The following PSD3 variants were observed in gnomAD, a reference collection of about 807,000 sequenced individuals.
PSD3 encodes the protein pleckstrin and Sec7 domain containing 3.
In PSD3, 49 loss-of-function variants were observed where a neutral mutation model predicts 105.5. That is an observed-to-expected ratio of 0.46 (90% CI 0.37 to 0.59). PSD3 has a LOEUF of 0.59. PSD3 is among the 20% of genes least tolerant of loss of function. The pLI is 0.00. For synonymous variants in PSD3, 557 were observed against 457.8 expected, an observed-to-expected ratio of 1.22 and a Z score of -2.77; for missense variants, 1,561 against 1,263.8, an observed-to-expected ratio of 1.24 and a Z score of -3.57.
chr8:18,936,253 C>A (rs1563439830), intron 1 of PSD3, 111 bp from the exon 2 acceptor site: 1 of 695,192 alleles, frequency 1.4e-6, no homozygotes, highest in East Asian at 2.5e-5. Context: ...CATATGTACT[C>A]AAAGCTATCT....
rs533267228 is a variant in PSD3, at chr8:18,564,282, G to T, written c.2785-7930C>A. Among the ~76,000 whole-genome samples, 8 of 152,236 alleles carry T rather than the reference G, an allele frequency of 5.3e-5. 1 individual carries two copies. The highest frequency in any genetic ancestry group is 1.9e-4 in the African/African-American group (8 of 41,556). ...AGGTGAATAGTCAAAAAAGTGAGTAGACCAGTGATCTAGGTAGAATATGAC... is the reference window on the plus strand; with the variant it reads ...AGGTGAATAGTCAAAAAAGTGAGTATACCAGTGATCTAGGTAGAATATGAC... On this transcript the variant is annotated intron_variant, in intron 14 of 15. Transcript: ENST00000327040.
intron 4 of PSD3, among the ~76,000 whole-genome samples, chr8:18,824,949 A>G (rs1335705664): frequency 6.6e-6 from 1 of 152,030 alleles, no homozygotes; most frequent in Non-Finnish European, 1.5e-5. Context: ...ATTCTATAAA[A>G]CCCTAGTGTG....
chr8:18,538,929 C>A (rs367878652), intron 15 of PSD3, among the ~76,000 whole-genome samples: 23 of 152,154 alleles, frequency 1.5e-4, no homozygotes, highest in Middle Eastern at 3.4e-3. Context: ...GTGAGAGGGG[C>A]CAGAAAACAA....
intron 1 of PSD3, among the ~76,000 whole-genome samples, chr8:18,942,475 T>G (rs989518372): frequency 1.3e-5 from 2 of 152,200 alleles, no homozygotes; most frequent in African/African-American, 4.8e-5. Context: ...CGTTATGGGC[T>G]GAATTGTGTC....
chr8:19,044,811 G>A (rs1828254881), intron 1 of PSD3, among the ~76,000 whole-genome samples: 1 of 152,176 alleles, frequency 6.6e-6, no homozygotes, highest in Admixed American at 6.5e-5. Context: ...GAGTTTGGTG[G>A]AGAGACGGGA....
chr8:18,834,402 A>G (rs901743812), intron 4 of PSD3, among the ~76,000 whole-genome samples: 1 of 152,228 alleles, frequency 6.6e-6, no homozygotes, highest in Non-Finnish European at 1.5e-5. Flanking sequence ...ACAACAAATC[A>G]AAAAATCGGC....
intron 10 of PSD3, among the ~76,000 whole-genome samples, chr8:18,654,135 A>G (rs927802675): frequency 1.3e-5 from 2 of 152,206 alleles, no homozygotes; most frequent in Non-Finnish European, 2.9e-5. Context: ...ACAGACACAT[A>G]AGCCATATAT....
chr8:19,046,433 C>A (rs898916464), intron 1 of PSD3, among the ~76,000 whole-genome samples: 4 of 152,078 alleles, frequency 2.6e-5, no homozygotes, highest in African/African-American at 9.7e-5. Context: ...ATACTTCTGA[C>A]CTTTTCATCA....
At chr8:19,030,051 T>C (rs1827707461) in intron 1 of PSD3, among the ~76,000 whole-genome samples, 1 of 152,166 alleles carries the variant, frequency 6.6e-6, no homozygotes, top group Non-Finnish European at 1.5e-5. Flanking sequence ...CTTGCTTAGT[T>C]TCTGATCTTA....
chr8:19,068,610 C>T (rs1279018188), intron 1 of PSD3, among the ~76,000 whole-genome samples: 1 of 152,108 alleles, frequency 6.6e-6, no homozygotes, highest in East Asian at 1.9e-4. Context: ...CTTTTGATAG[C>T]AAGGGGTGGC....
chr8:18,926,307 T>A (rs1821358857), intron 2 of PSD3, among the ~76,000 whole-genome samples: 1 of 151,474 alleles, frequency 6.6e-6, no homozygotes, highest in African/African-American at 2.4e-5. Flanking sequence ...TGCACAAAAT[T>A]ATTTATAATT....
chr8:18,791,956 A>T (rs1397923508), intron 8 of PSD3, among the ~76,000 whole-genome samples: 9 of 152,214 alleles, frequency 5.9e-5, no homozygotes, highest in Non-Finnish European at 1.3e-4. Flanking sequence ...GCGGCCAAGA[A>T]ACATGAAAAC....
chr8:18,949,676 C>A (rs1180374875), intron 1 of PSD3, among the ~76,000 whole-genome samples: 2 of 151,990 alleles, frequency 1.3e-5, no homozygotes, highest in Non-Finnish European at 2.9e-5. Flanking sequence ...GCATTTCATC[C>A]CTGGCTGTTA....
intron 4 of PSD3, among the ~76,000 whole-genome samples, chr8:18,818,847 G>A (rs1812445787): frequency 6.6e-6 from 1 of 152,210 alleles, no homozygotes; most frequent in African/African-American, 2.4e-5. Flanking sequence ...GATTGTTAGA[G>A]TAAATTTAAA....
chr8:18,775,289 T>C (rs193045211), intron 8 of PSD3, among the ~76,000 whole-genome samples: 42 of 152,308 alleles, frequency 2.8e-4, no homozygotes, highest in African/African-American at 9.4e-4. Flanking sequence ...GAATTCCATA[T>C]CTTGGCTAAC....
intron 13 of PSD3, 46 bp from the exon 14 acceptor site, chr8:18,572,718 G>A (rs768877871): frequency 1.3e-6 from 2 of 1,586,984 alleles, no homozygotes; most frequent in East Asian, 2.3e-5. Context: ...CCATGTCTAA[G>A]TAGCATCACA....
At chr8:18,704,734 T>A (rs1801789803) in intron 9 of PSD3, among the ~76,000 whole-genome samples, 1 of 152,198 alleles carries the variant, frequency 6.6e-6, no homozygotes, top group Non-Finnish European at 1.5e-5. Context: ...CTTTTCATTC[T>A]GCCTTCCTAC....
chr8:18,983,755 T>A (rs954528609), intron 1 of PSD3, among the ~76,000 whole-genome samples: 6 of 152,020 alleles, frequency 3.9e-5, no homozygotes, highest in African/African-American at 1.4e-4. Context: ...TCCTACCATT[T>A]TGGGACGCTG....
intron 8 of PSD3, among the ~76,000 whole-genome samples, chr8:18,781,884 A>G (rs1808669820): frequency 6.6e-6 from 1 of 151,690 alleles, no homozygotes; most frequent in East Asian, 1.9e-4. Context: ...CTTCGTTTTT[A>G]TTTTTTTTAA....
Sources: gnomAD v4.1 joint callset for allele counts (sites outside exome capture counted in the v4.1 genomes callset) on GRCh38, gnomAD v4.1.1 for gene constraint, MANE v1.5 for transcripts, NCBI Gene and HGNC (gene_info 2026-07-23, HGNC 2026-07-21) for gene names.